Variants in ANAPC5 observed in about 807,000 individuals in gnomAD.
The protein encoded by ANAPC5 is anaphase promoting complex subunit 5.
In ANAPC5, 60 loss-of-function variants were observed where a neutral mutation model predicts 91.3. The ratio of observed to expected loss-of-function variants is 0.66; its 90% CI spans 0.53 to 0.81. ANAPC5 has a LOEUF of 0.81. Among genes scored for constraint, ANAPC5 ranks in the 40% least tolerant of loss-of-function variants. The pLI is 0.00. For synonymous variants in ANAPC5, 340 were observed against 364.1 expected (o/e 0.93, Z 0.75); for missense variants, 690 against 931.5 (o/e 0.74, Z 3.37).
chr12:121,344,330 G>A (rs1341621936), intron 4 of ANAPC5, among the ~76,000 whole-genome samples: 1 of 152,202 alleles, frequency 6.6e-6, no homozygotes, highest in South Asian at 2.1e-4. Flanking sequence ...TGTAATCCCA[G>A]CACTTTGGGA....
chr12:121,335,501 A>G (rs781901151), intron 7 of ANAPC5, 32 bp downstream of exon 7: 2 of 1,554,346 alleles, frequency 1.3e-6, no homozygotes, highest in Non-Finnish European at 1.7e-6. Context: ...GGTTCCTTCA[A>G]TTTGCGCAAG....
Position 121,327,250 on chromosome 12 carries a change from C to G in ANAPC5, c.1305-19G>C, listed in dbSNP as rs1902855192. 6.2e-7 allele frequency: 1 copy of G among 1,610,088 alleles called. No homozygotes were observed. Among genetic ancestry groups the G allele is most frequent in the African/African-American group, 1.3e-5 (1 of 74,818 alleles). On this transcript the variant is annotated intron_variant, in intron 10 of 16. Transcript: ENST00000261819. ...CATGGTGCTGGGTGGGGAGAGGGAA[C>G]AGGATTTCCTTTCAGCAGCAGACCT...
intron 8 of ANAPC5, chr12:121,331,118 G>T: frequency 2.1e-6 from 1 of 466,502 alleles, no homozygotes; most frequent in Non-Finnish European, 3.9e-6. Context: ...ATGGCAAGTT[G>T]CATTAAACTT....
rs897057730 is a variant in ANAPC5, at chr12:121,342,151, T to C, written c.591-82A>G. 9 of 1,082,526 alleles carry C rather than the reference T, an allele frequency of 8.3e-6. No individual in the cohort carries two copies. The highest frequency in any genetic ancestry group is 1.1e-5 in the Non-Finnish European group (8 of 752,578). 67.1% of individuals were successfully genotyped at this position (1,082,526 alleles called of 1,614,324 possible). ...ACATTTATAAAATCAGATGGATTCT[T>C]GTATCGAAAGAGTTCAAAAAATTTA... On this transcript the variant is annotated intron_variant, in intron 4 of 16. Transcript: ENST00000261819. The surrounding 1 kb of genome is among the most constrained non-coding windows in gnomAD (Gnocchi z 4.1).
chr12:121,320,098 C>T (rs1206906588), intron 12 of ANAPC5, among the ~76,000 whole-genome samples: 1 of 152,174 alleles, frequency 6.6e-6, no homozygotes, highest in Non-Finnish European at 1.5e-5. Flanking sequence ...TTTGCAAATT[C>T]TACGTCTCTT....
intron 3 of ANAPC5, chr12:121,346,430 C>T (rs1391813369): frequency 1.1e-5 from 2 of 180,392 alleles, no homozygotes; most frequent in African/African-American, 2.3e-5. Flanking sequence ...AAATAGCTCA[C>T]GCTGAATAAC....
chr12:121,313,582 C>A (rs1332210939), intron 15 of ANAPC5, among the ~76,000 whole-genome samples: 2 of 152,078 alleles, frequency 1.3e-5, no homozygotes, highest in Non-Finnish European at 2.9e-5. Context: ...TTACTAACAA[C>A]CTTACAAAAG....
At chr12:121,324,810 A>C (rs1902748615) in intron 11 of ANAPC5, among the ~76,000 whole-genome samples, 1 of 151,936 alleles carries the variant, frequency 6.6e-6, no homozygotes, top group Admixed American at 6.6e-5. Flanking sequence ...GTTGAGGTGG[A>C]GTTCAAGGCT....
At position 121,320,666 on chromosome 12, in the gene ANAPC5, G is replaced by A. The variant is rs537042716; in HGVS notation, c.1441-207C>T. 317 of 360,912 alleles carry A rather than the reference G, an allele frequency of 8.8e-4. 2 individuals carry two copies. Among genetic ancestry groups the A allele is most frequent in the African/African-American group, 5.4e-3 (263 of 48,268 alleles). The allele number at this position is 360,912 out of a possible 1,614,324, so 22.4% of individuals were successfully genotyped here. A position where few individuals can be genotyped will look rare whatever the true frequency, so the allele number is the denominator to read the frequency against. On this transcript the variant is annotated intron_variant, in intron 11 of 16. Transcript: ENST00000261819. ...TAGCCCTGCTGGAGTGCAGTGGCGC[G>A]ATCTCGGCTCATTGCAAGCTCCGCT... is the stretch of plus-strand genomic sequence containing the variant.
At chr12:121,309,936 G>T in intron 15 of ANAPC5, 73 bp from the exon 16 acceptor site, 2 of 1,441,304 alleles carry the variant, frequency 1.4e-6, no homozygotes, top group Non-Finnish European at 1.9e-6. Context: ...TTCATTTCTG[G>T]CAGTTCTCTC....
At chr12:121,335,128 TC>T (rs1222499830) in intron 7 of ANAPC5, 1 of 153,316 alleles carries the variant, frequency 6.5e-6, no homozygotes, top group Non-Finnish European at 1.5e-5. Flanking sequence ...CCATTTCTTT[TC>T]CCTTTTCTTT....
At chr12:121,318,658 G>A (rs768230016) in intron 13 of ANAPC5, 50 bp from the exon 14 acceptor site, 1 of 1,439,920 alleles carries the variant, frequency 6.9e-7, no homozygotes, top group Non-Finnish European at 9.7e-7. Flanking sequence ...TCACTTTGAG[G>A]GTAAGAATCT....
At chr12:121,351,379 AT>A (rs1439640006) in intron 1 of ANAPC5, among the ~76,000 whole-genome samples, 3 of 152,176 alleles carry the variant, frequency 2.0e-5, no homozygotes, top group Admixed American at 2.0e-4. Flanking sequence ...TCTCAAAAAA[AT>A]AATAATAATT....
chr12:121,331,172 T>C, intron 8 of ANAPC5, 175 bp downstream of exon 8: 2 of 539,546 alleles, frequency 3.7e-6, no homozygotes, highest in Non-Finnish European at 6.7e-6. Flanking sequence ...TGTCATGAAT[T>C]AAGAAAGGTA....
At chr12:121,324,517 A>C (rs1902735784) in intron 11 of ANAPC5, among the ~76,000 whole-genome samples, 1 of 152,140 alleles carries the variant, frequency 6.6e-6, no homozygotes, top group East Asian at 1.9e-4. Context: ...CCCAAAGAGC[A>C]TGGTTACTTT....
chr12:121,316,993 G>C (rs530140760), intron 15 of ANAPC5, among the ~76,000 whole-genome samples: 8 of 152,168 alleles, frequency 5.3e-5, no homozygotes, highest in African/African-American at 1.9e-4. Flanking sequence ...ATCAAAAAAG[G>C]CCACATTTAT....
At chr12:121,323,188 T>G (rs1267412741) in intron 11 of ANAPC5, among the ~76,000 whole-genome samples, 1 of 152,222 alleles carries the variant, frequency 6.6e-6, no homozygotes, top group Admixed American at 6.5e-5. Context: ...TATCTTTGCT[T>G]ATATAATTGG....
chr12:121,333,859 T>C (rs1903132026), intron 7 of ANAPC5: 1 of 152,208 alleles, frequency 6.6e-6, no homozygotes, highest in Non-Finnish European at 1.5e-5. Context: ...AAGTCATTTT[T>C]TTCCAGGCTA....
chr12:121,309,778 T>G lies in ANAPC5; in HGVS notation c.1979A>C (p.Lys660Thr). The G allele has an allele frequency of 6.2e-7, 1 of 1,614,178 alleles. No individual in the cohort carries two copies. Among genetic ancestry groups the G allele is most frequent in the Non-Finnish European group, 8.5e-7 (1 of 1,180,034 alleles). ...GGCCACTAAGAACATGGCACGACCTTTGTCCAGGATAGCCCCGTCAGCCAA... is the reference window on the plus strand; with the variant it reads ...GGCCACTAAGAACATGGCACGACCTGTGTCCAGGATAGCCCCGTCAGCCAA... ...PILADGAILD[K>T]GRAMFLVAKC... The change falls in exon 16 of 17, where the codon AAA becomes ACA. Residue 660 changes from lysine to threonine, a missense_variant. This residue lies in a region of ANAPC5 where 317 missense variants were observed against 438.7 expected (regional missense o/e 0.72). Transcript: ENST00000261819.
Sources: gnomAD v4.1 joint callset for allele counts (sites outside exome capture counted in the v4.1 genomes callset) on GRCh38, gnomAD v4.1.1 for gene constraint, gnomAD v4.1.1 regional missense constraint, Gnocchi (gnomAD v3.1) non-coding constraint, MANE v1.5 for transcripts, NCBI Gene and HGNC (gene_info 2026-07-23, HGNC 2026-07-21) for gene names.